Variants in PAM observed in about 807,000 individuals in gnomAD.
The protein encoded by PAM is peptidyl-glycine alpha-amidating monooxygenase.
Under a neutral mutation model 122.1 loss-of-function variants are expected in PAM, and 72 were observed. The ratio of observed to expected loss-of-function variants is 0.59; its 90% CI spans 0.49 to 0.72. The LOEUF (loss-of-function observed/expected upper bound fraction) is 0.72. PAM is among the 30% of genes least tolerant of loss of function. The pLI is 0.00. For synonymous variants in PAM, 389 were observed against 404.4 expected (o/e 0.96, Z 0.46); for missense variants, 1,106 against 1,183.7 (o/e 0.93, Z 0.96).
intron 15 of PAM, among the ~76,000 whole-genome samples, chr5:102,983,071 T>G (rs1185159049): frequency 6.6e-6 from 1 of 151,510 alleles, no homozygotes; most frequent in Non-Finnish European, 1.5e-5. Flanking sequence ...TCAAATGAAA[T>G]AAAAAATACA....
At chr5:102,773,842 A>G (rs756011386) in intron 1 of PAM, among the ~76,000 whole-genome samples, 21 of 152,066 alleles carry the variant, frequency 1.4e-4, no homozygotes, top group Non-Finnish European at 2.4e-4. Context: ...TAAGCCCAGT[A>G]CATAATAGTT....
intron 1 of PAM, among the ~76,000 whole-genome samples, chr5:102,816,530 C>G (rs183529389): frequency 6.6e-6 from 1 of 152,134 alleles, no homozygotes; most frequent in Non-Finnish European, 1.5e-5. Context: ...TCCTTCAAAG[C>G]CACTCACATC....
At chr5:102,875,067 T>C (rs949384674) in intron 3 of PAM, among the ~76,000 whole-genome samples, 1 of 152,136 alleles carries the variant, frequency 6.6e-6, no homozygotes, top group African/African-American at 2.4e-5. Flanking sequence ...ATATGTGTTT[T>C]TATGTGTGCA....
intron 14 of PAM, among the ~76,000 whole-genome samples, chr5:102,965,018 A>G (rs1427008620): frequency 1.3e-5 from 2 of 151,934 alleles, no homozygotes; most frequent in African/African-American, 4.8e-5. Context: ...CTTCAAAGAC[A>G]TTGTGAGTGA....
chr5:102,924,017 C>T (rs1267983134), intron 5 of PAM, among the ~76,000 whole-genome samples: 1 of 152,076 alleles, frequency 6.6e-6, no homozygotes, highest in African/African-American at 2.4e-5. Context: ...TGAGAGAAAA[C>T]TAAGGCTTGG....
At chr5:102,822,268 A>C (rs1772222216) in intron 1 of PAM, among the ~76,000 whole-genome samples, 1 of 152,034 alleles carries the variant, frequency 6.6e-6, no homozygotes, top group African/African-American at 2.4e-5. Flanking sequence ...TTGCTCATTC[A>C]TCTATTTATT....
intron 1 of PAM, among the ~76,000 whole-genome samples, chr5:102,824,103 A>G (rs952379433): frequency 4.6e-5 from 7 of 152,214 alleles, no homozygotes; most frequent in Non-Finnish European, 8.8e-5. Flanking sequence ...GGGAAGCAGC[A>G]TTAAAGATGC....
At chr5:102,846,774 T>G (rs1289992923) in intron 1 of PAM, among the ~76,000 whole-genome samples, 2 of 152,210 alleles carry the variant, frequency 1.3e-5, no homozygotes, top group African/African-American at 4.8e-5. Context: ...CCTTCTTCTC[T>G]TGATTTACAA....
At chr5:102,774,220 T>C (rs1451261878) in intron 1 of PAM, among the ~76,000 whole-genome samples, 1 of 152,126 alleles carries the variant, frequency 6.6e-6, no homozygotes, top group East Asian at 1.9e-4. Context: ...TTCGTCTGAG[T>C]ATATACCCAG....
chr5:102,997,852 TG>T (rs754335528), intron 16 of PAM, among the ~76,000 whole-genome samples: 1 of 152,220 alleles, frequency 6.6e-6, no homozygotes, highest in Non-Finnish European at 1.5e-5. Context: ...TGATAGAGGA[TG>T]TTTTTCACTT....
chr5:102,773,844 A>T (rs563180972), intron 1 of PAM, among the ~76,000 whole-genome samples: 3 of 152,170 alleles, frequency 2.0e-5, no homozygotes, highest in African/African-American at 7.2e-5. Flanking sequence ...AGCCCAGTAC[A>T]TAATAGTTAT....
chr5:102,928,292 A>G (rs1561920150), intron 7 of PAM, among the ~76,000 whole-genome samples: 1 of 152,210 alleles, frequency 6.6e-6, no homozygotes. Context: ...TTGTTTTTAA[A>G]AATATGTTAC....
chr5:102,852,023 T>C (rs922946740), intron 1 of PAM, among the ~76,000 whole-genome samples: 2 of 152,200 alleles, frequency 1.3e-5, no homozygotes, highest in Non-Finnish European at 2.9e-5. Context: ...AACATATTCT[T>C]ATTTTCCTAG....
At chr5:102,764,050 T>C (rs547711068) in intron 1 of PAM, among the ~76,000 whole-genome samples, 1 of 152,198 alleles carries the variant, frequency 6.6e-6, no homozygotes, top group Non-Finnish European at 1.5e-5. Context: ...GCAGTGAAGA[T>C]AGATCGAAAG....
chr5:102,947,176 G>A (rs568482616), intron 8 of PAM, among the ~76,000 whole-genome samples: 2 of 152,110 alleles, frequency 1.3e-5, no homozygotes, highest in Admixed American at 6.5e-5. Context: ...CATAGTTGTC[G>A]GCAGGCTTCA....
rs73192709 is a variant in PAM, at chr5:102,854,248, A to G, written c.-373-11575A>G. 3.7e-3 allele frequency among the ~76,000 whole-genome samples: 566 copies of G among 152,324 alleles called. 2 individuals carry two copies. Among genetic ancestry groups the G allele is most frequent in the African/African-American group, 0.012 (505 of 41,576 alleles). On this transcript the variant is annotated intron_variant, in intron 1 of 25. Transcript: ENST00000438793. ...TTGCAAATACTCAAAAACTATTAAT[A>G]TTATTTTAATTATTAATAGCGTCAT...
intron 1 of PAM, among the ~76,000 whole-genome samples, chr5:102,779,882 T>TATAC (rs1422379501): frequency 3.9e-5 from 3 of 76,814 alleles, no homozygotes; most frequent in South Asian, 4.7e-4. Context: ...TAAACTCCCA[T>TATAC]ATACATATAT....
chr5:102,877,701 CATAAG>C (rs1373697740), intron 3 of PAM, among the ~76,000 whole-genome samples: 1 of 152,048 alleles, frequency 6.6e-6, no homozygotes. Context: ...ACACTATAGT[CATAAG>C]ATACCATCAC....
chr5:102,761,631 C>T (rs1321449010), intron 1 of PAM, among the ~76,000 whole-genome samples: 1 of 152,050 alleles, frequency 6.6e-6, no homozygotes, highest in Non-Finnish European at 1.5e-5. Context: ...TAAAATAGTA[C>T]TCATTTGTAG....
Sources: allele counts gnomAD v4.1 joint callset (sites outside exome capture counted in the v4.1 genomes callset), GRCh38; gene constraint gnomAD v4.1.1; transcripts MANE v1.5; gene names NCBI Gene and HGNC (gene_info 2026-07-23, HGNC 2026-07-21).